Variants in MBNL3 observed in about 807,000 individuals in gnomAD.
MBNL3 encodes the protein muscleblind-like protein 3.
Under a neutral mutation model 24.5 loss-of-function variants are expected in MBNL3, and 6 were observed. The observed-to-expected ratio is 0.25, with a 90% CI of 0.13 to 0.48. The LOEUF (loss-of-function observed/expected upper bound fraction) is 0.48. MBNL3 is among the 20% of genes least tolerant of loss of function. The pLI is 0.99. For missense variants in MBNL3, 230 were observed against 293.5 expected (o/e 0.78, Z 1.58); for synonymous variants, 100 against 101.7 (o/e 0.98, Z 0.10).
intron 1 of MBNL3, among the ~76,000 whole-genome samples, chrX:132,474,194 C>T (rs998166708): frequency 1.8e-5 from 2 of 111,249 alleles, no homozygotes; most frequent in Non-Finnish European, 3.8e-5. Context: ...GAAGTAATGT[C>T]TATGGTAAAT....
chrX:132,397,164 ATAG>A (rs1024057198), intron 3 of MBNL3, among the ~76,000 whole-genome samples: 8 of 107,229 alleles, frequency 7.5e-5, no homozygotes, highest in Non-Finnish European at 1.2e-4. Flanking sequence ...GAATGGGGAA[ATAG>A]TAGTTGGAAT....
At chrX:132,427,697 C>T (rs761691783) in intron 2 of MBNL3, among the ~76,000 whole-genome samples, 16 of 111,707 alleles carry the variant, frequency 1.4e-4, no homozygotes, top group Non-Finnish European at 7.5e-5. Context: ...ATGTAATCTA[C>T]TCACTGTATT....
chrX:132,401,457 A>G (rs1007096945), intron 3 of MBNL3, among the ~76,000 whole-genome samples: 29 of 109,445 alleles, frequency 2.6e-4, no homozygotes, highest in African/African-American at 9.0e-4. Flanking sequence ...AAATTTTTAA[A>G]AAACATTACT....
In MBNL3 at chrX:132,386,665, A is replaced by G. The variant is rs1198862886; in HGVS notation, c.918T>C (p.Pro306=). 8.3e-7 allele frequency: 1 copy of G among 1,208,603 alleles called. No homozygotes were observed. Among genetic ancestry groups the G allele is most frequent in the Non-Finnish European group, 1.1e-6 (1 of 895,144 alleles). The change falls in exon 6 of 9, where the codon CCT becomes CCC. Residue 306 remains proline, a synonymous_variant. Transcript: ENST00000370853. ...TGCCTAGAGCTGTGTTCTCACCTGC[A>G]GGGATAAATGCCGGCTGTGGGAGCT... ...NLQLPQPAFI[P]AGPILCMAPA...
intron 1 of MBNL3, among the ~76,000 whole-genome samples, chrX:132,463,457 C>T (rs1603264250): frequency 8.9e-6 from 1 of 112,029 alleles, no homozygotes; most frequent in Non-Finnish European, 1.9e-5. Context: ...GAGCGAAACT[C>T]CGTCTCAAAA....
intron 2 of MBNL3, among the ~76,000 whole-genome samples, chrX:132,414,225 A>G (rs141413188): frequency 0.014 from 1,533 of 112,509 alleles, 20 homozygotes; most frequent in African/African-American, 0.047. Flanking sequence ...TCACATTACA[A>G]TTGTGAACAT....
At chrX:132,441,475 A>G (rs1569452283) in intron 1 of MBNL3, among the ~76,000 whole-genome samples, 2 of 112,455 alleles carry the variant, frequency 1.8e-5, no homozygotes, top group Admixed American at 9.4e-5. Context: ...ACTTCTATGC[A>G]GGCCCTTCTG....
chrX:132,403,972 G>C (rs1464971263), intron 3 of MBNL3, among the ~76,000 whole-genome samples: 1 of 111,223 alleles, frequency 9.0e-6, no homozygotes, highest in Non-Finnish European at 1.9e-5. Context: ...AATCTCCCTT[G>C]CTATACCTTT....
At chrX:132,384,601 C>A in intron 7 of MBNL3, 62 bp downstream of exon 7, 1 of 1,036,466 alleles carries the variant, frequency 9.6e-7, no homozygotes, top group South Asian at 2.1e-5. Flanking sequence ...CTTTCATAGT[C>A]ACAACAGAAA....
rs773187235 is a variant in MBNL3, at chrX:132,406,305, T to A, written c.265A>T (p.Ile89Phe). The change falls in exon 3 of 9, where the codon ATT (isoleucine) becomes TTT (phenylalanine). Residue 89 changes from isoleucine to phenylalanine, a missense_variant. Ile to Phe is a conservative substitution (Grantham distance 21, BLOSUM62 0). Transcript: ENST00000370853. ...QLEINGRNNL[I>F]QQKTAAAMFA... ...ATGGCTGCGGCAGTCTTCTGTTGAA[T>A]CAGATTGTTCCGCCCATTAATCTCC... 17 of 1,211,672 alleles carry A rather than the reference T, an allele frequency of 1.4e-5. No individual in the cohort carries two copies. Among genetic ancestry groups the A allele is most frequent in the Non-Finnish European group, 1.9e-5 (17 of 895,384 alleles).
chrX:132,482,981 G>A (rs1947819254), intron 1 of MBNL3, among the ~76,000 whole-genome samples: 1 of 112,434 alleles, frequency 8.9e-6, no homozygotes, highest in African/African-American at 3.2e-5. Context: ...AATATAAAAT[G>A]TAACTCTATA....
At chrX:132,483,170 GCAAA>G (rs1947831017) in intron 1 of MBNL3, among the ~76,000 whole-genome samples, 2 of 111,711 alleles carry the variant, frequency 1.8e-5, no homozygotes, top group African/African-American at 6.5e-5. Context: ...ATCACAGACA[GCAAA>G]CAATTTTTAA....
At chrX:132,475,722 T>C (rs1001768017) in intron 1 of MBNL3, among the ~76,000 whole-genome samples, 11 of 111,468 alleles carry the variant, frequency 9.9e-5, no homozygotes, top group Admixed American at 6.7e-4. Context: ...TGCCTACAGA[T>C]ACTAAGATTG....
intron 3 of MBNL3, among the ~76,000 whole-genome samples, chrX:132,402,376 A>G (rs1941077567): frequency 1.8e-5 from 2 of 111,848 alleles, no homozygotes; most frequent in African/African-American, 3.3e-5. Flanking sequence ...AAATACATAC[A>G]CCACATTCAG....
chrX:132,489,975 T>C (rs1047686065), upstream of MBNL3: 4 of 112,299 alleles, frequency 3.6e-5, no homozygotes, highest in African/African-American at 1.3e-4. Context: ...GGCACTTTCT[T>C]CCTGTAGGGC....
At chrX:132,451,721 A>C (rs748672591) in intron 1 of MBNL3, among the ~76,000 whole-genome samples, 2 of 111,502 alleles carry the variant, frequency 1.8e-5, no homozygotes, top group African/African-American at 6.5e-5. Context: ...GGGGTATGAA[A>C]AAAACTCCTG....
At chrX:132,463,386 C>T (rs1946727445) in intron 1 of MBNL3, among the ~76,000 whole-genome samples, 2 of 111,841 alleles carry the variant, frequency 1.8e-5, no homozygotes, top group South Asian at 3.7e-4. Flanking sequence ...CGCTTGAACC[C>T]GGGCGGGGCA....
intron 1 of MBNL3, among the ~76,000 whole-genome samples, chrX:132,446,199 T>G (rs773802256): frequency 8.9e-6 from 1 of 112,321 alleles, no homozygotes; most frequent in South Asian, 3.7e-4. Flanking sequence ...CTATCATTGA[T>G]GAGCATTTGG....
intron 1 of MBNL3, among the ~76,000 whole-genome samples, chrX:132,454,041 G>A (rs1946248400): frequency 8.9e-6 from 1 of 112,000 alleles, no homozygotes; most frequent in Admixed American, 9.4e-5. Flanking sequence ...GCAGTGAATG[G>A]AGATCATGCC....
Sources: gnomAD v4.1 joint callset for allele counts (sites outside exome capture counted in the v4.1 genomes callset) on GRCh38, gnomAD v4.1.1 for gene constraint, MANE v1.5 for transcripts, NCBI Gene and HGNC (gene_info 2026-07-23, HGNC 2026-07-21) for gene names.